ITPR1: variants seen among roughly 807,000 people sequenced by gnomAD.
The protein encoded by ITPR1 is inositol 1,4,5-trisphosphate receptor type 1, also known as inositol 1,4,5-trisphosphate-gated calcium channel ITPR1.
A neutral mutation model predicts 318.4 loss-of-function variants in ITPR1; 96 were observed. That is an observed-to-expected ratio of 0.30 (90% CI 0.26 to 0.36). The LOEUF (loss-of-function observed/expected upper bound fraction) is 0.36, where lower values mean the gene tolerates loss of function less well. Ranked by LOEUF, ITPR1 falls within the 10% of genes least tolerant of loss-of-function variation. The pLI, the probability that ITPR1 is intolerant of heterozygous loss-of-function variation, is 1.00. For missense variants in ITPR1, 2,440 were observed against 3,460.2 expected (o/e 0.71, Z 7.40); for synonymous variants, 1,312 against 1,289.9 (o/e 1.02, Z -0.37).
At chr3:4,819,769 A>G (rs2049561218) in intron 60 of ITPR1, among the ~76,000 whole-genome samples, 1 of 152,194 alleles carries the variant, frequency 6.6e-6, no homozygotes, top group South Asian at 2.1e-4. Flanking sequence ...TTTGAAAGAG[A>G]GGATGAAGTC....
intron 33 of ITPR1, among the ~76,000 whole-genome samples, chr3:4,694,193 T>A (rs76272643): frequency 7.3e-5 from 11 of 151,202 alleles, no homozygotes; most frequent in Admixed American, 2.0e-4. Context: ...AAAAAAAAAA[T>A]AATGAATACC....
At chr3:4,815,013 G>C in intron 58 of ITPR1, 40 bp from the exon 59 acceptor site, 1 of 1,543,096 alleles carries the variant, frequency 6.5e-7, no homozygotes, top group Non-Finnish European at 8.8e-7. Context: ...CCAAAGGGTC[G>C]CAAGGGACCC....
intron 53 of ITPR1, among the ~76,000 whole-genome samples, chr3:4,798,662 T>C (rs1274405901): frequency 6.6e-6 from 1 of 152,256 alleles, no homozygotes; most frequent in East Asian, 1.9e-4. Flanking sequence ...CTAGTAGCAT[T>C]ATTTGTAATC....
At chr3:4,554,677 C>A (rs2085945211) in intron 4 of ITPR1, among the ~76,000 whole-genome samples, 1 of 142,952 alleles carries the variant, frequency 7.0e-6, no homozygotes, top group East Asian at 2.2e-4. Flanking sequence ...TTCAGTTAAC[C>A]CGGTGGTAAC....
At chr3:4,494,828 A>T (rs1575290618) in intron 2 of ITPR1, among the ~76,000 whole-genome samples, 1 of 152,336 alleles carries the variant, frequency 6.6e-6, no homozygotes, top group East Asian at 1.9e-4. Flanking sequence ...ATTCTGAAGG[A>T]TACAGTGCAT....
At position 4,779,452 on chromosome 3, in the gene ITPR1, T is replaced by G. The variant is rs2046681164; in HGVS notation, c.6292-98T>G. 7.3e-6 allele frequency: 6 copies of G among 827,470 alleles called. No individual in the cohort carries two copies. The highest frequency in any genetic ancestry group is 1.7e-5 in the African/African-American group (1 of 59,674). The allele number at this position is 827,470 out of a possible 1,614,324, so 51.3% of individuals were successfully genotyped here. A position where few individuals can be genotyped will look rare whatever the true frequency, so the allele number is the denominator to read the frequency against. On this transcript the variant is annotated intron_variant, in intron 48 of 61. Transcript: ENST00000649015. The surrounding 1 kb of genome is among the most constrained non-coding windows in gnomAD (Gnocchi z 4.0). ...TCATGGGGTGAAATGTTCGTCTGTT[T>G]AGCCGGGATGCCTCCCATGTGCCAG...
intron 45 of ITPR1, among the ~76,000 whole-genome samples, chr3:4,767,210 T>G (rs1450311579): frequency 6.6e-6 from 1 of 152,204 alleles, no homozygotes; most frequent in Non-Finnish European, 1.5e-5. Context: ...ACGTTTCAAG[T>G]TTAGAACTGG....
At chr3:4,678,818 T>G (rs1319146249) in intron 24 of ITPR1, among the ~76,000 whole-genome samples, 1 of 152,014 alleles carries the variant, frequency 6.6e-6, no homozygotes, top group Non-Finnish European at 1.5e-5. Context: ...GGGATGCAGG[T>G]CAGTGGGCAG....
At chr3:4,726,656 C>T (rs1313265144) in intron 41 of ITPR1, among the ~76,000 whole-genome samples, 1 of 152,138 alleles carries the variant, frequency 6.6e-6, no homozygotes, top group Non-Finnish European at 1.5e-5. Flanking sequence ...GGTTTTGTTA[C>T]AAGACTTGTG....
At chr3:4,821,699 G>A (rs188742207) in intron 60 of ITPR1, among the ~76,000 whole-genome samples, 1 of 152,314 alleles carries the variant, frequency 6.6e-6, no homozygotes, top group African/African-American at 2.4e-5. Context: ...AGCCTGTCTA[G>A]ATCAGATACT....
At chr3:4,670,690 T>A (rs1440058705) in intron 19 of ITPR1, 39 bp from the exon 20 acceptor site, 1 of 1,401,434 alleles carries the variant, frequency 7.1e-7, no homozygotes, top group Non-Finnish European at 9.9e-7. Flanking sequence ...AAAGTATTTT[T>A]AAAAATAGTA....
intron 44 of ITPR1, among the ~76,000 whole-genome samples, chr3:4,764,961 GAT>G (rs2045711883): frequency 6.6e-6 from 1 of 151,282 alleles, no homozygotes; most frequent in Non-Finnish European, 1.5e-5. Flanking sequence ...TGGATGGATG[GAT>G]GGATGGATGG....
intron 59 of ITPR1, 29 bp downstream of exon 59, chr3:4,815,247 G>A (rs772739014): frequency 6.2e-7 from 1 of 1,610,916 alleles, no homozygotes; most frequent in East Asian, 2.2e-5. Context: ...CTCCAGCAAG[G>A]GCGTGAAGGC....
intron 4 of ITPR1, among the ~76,000 whole-genome samples, chr3:4,550,249 G>A (rs2085424938): frequency 6.6e-6 from 1 of 152,140 alleles, no homozygotes; most frequent in African/African-American, 2.4e-5. Flanking sequence ...CACATGTGCT[G>A]TTTAGACTCA....
intron 4 of ITPR1, among the ~76,000 whole-genome samples, chr3:4,610,518 G>C (rs971938859): frequency 2.0e-5 from 3 of 152,122 alleles, no homozygotes; most frequent in African/African-American, 7.2e-5. Context: ...CAGGCTTTCT[G>C]AATGCCCTTT....
At chr3:4,529,060 C>T (rs147977187) in intron 4 of ITPR1, among the ~76,000 whole-genome samples, 16 of 152,216 alleles carry the variant, frequency 1.1e-4, no homozygotes, top group Non-Finnish European at 1.9e-4. Context: ...GGATTGCTGC[C>T]TACTTGCTTC....
chr3:4,688,355 G>A, intron 30 of ITPR1, 140 bp from the exon 31 acceptor site: 1 of 932,646 alleles, frequency 1.1e-6, no homozygotes, highest in African/African-American at 1.6e-5. Flanking sequence ...AGCGTCAGCA[G>A]TGCAGCCCCT....
At chr3:4,496,757 G>C (rs1018427167) in intron 2 of ITPR1, among the ~76,000 whole-genome samples, 3 of 152,190 alleles carry the variant, frequency 2.0e-5, no homozygotes, top group South Asian at 2.1e-4. Flanking sequence ...GACTTCCAGA[G>C]GGGGGAATAT....
intron 4 of ITPR1, among the ~76,000 whole-genome samples, chr3:4,539,873 C>T (rs1418247325): frequency 2.0e-5 from 3 of 151,648 alleles, no homozygotes; most frequent in Admixed American, 6.6e-5. Flanking sequence ...CAGATGTGGC[C>T]TCTGACTTGG....
Sources: gnomAD v4.1 joint callset for allele counts (sites outside exome capture counted in the v4.1 genomes callset) on GRCh38, gnomAD v4.1.1 for gene constraint, Gnocchi (gnomAD v3.1) non-coding constraint, MANE v1.5 for transcripts, NCBI Gene and HGNC (gene_info 2026-07-23, HGNC 2026-07-21) for gene names.